GAN: variants seen among roughly 807,000 people sequenced by gnomAD.
GAN encodes gigaxonin.
Under a neutral mutation model 71.3 loss-of-function variants are expected in GAN, and 48 were observed. That is an observed-to-expected ratio of 0.67 (90% CI 0.53 to 0.86). The LOEUF is 0.86. Ranked by LOEUF, GAN falls within the 40% of genes least tolerant of loss-of-function variation. GAN has a pLI of 0.00. For missense variants in GAN, 928 were observed against 770.1 expected (o/e 1.21, Z -2.43); for synonymous variants, 386 against 276.8 (o/e 1.39, Z -3.92).
intron 9 of GAN, among the ~76,000 whole-genome samples, chr16:81,376,171 G>A (rs907964655): frequency 6.6e-6 from 1 of 151,684 alleles, no homozygotes; most frequent in African/African-American, 2.4e-5. Flanking sequence ...ACAAAGCTTT[G>A]GAAAGCAGTG....
At chr16:81,339,879 A>G (rs1394113709) in intron 1 of GAN, among the ~76,000 whole-genome samples, 8 of 152,146 alleles carry the variant, frequency 5.3e-5, no homozygotes, top group Non-Finnish European at 1.2e-4. Context: ...AGATGTAAGG[A>G]TGTGAATTTA....
chr16:81,360,065 G>A (rs12917688), intron 5 of GAN, among the ~76,000 whole-genome samples: 1 of 122,958 alleles, frequency 8.1e-6, no homozygotes, highest in Non-Finnish European at 1.8e-5. Context: ...ATGGATGGAT[G>A]GATAGATGGA....
intron 1 of GAN, among the ~76,000 whole-genome samples, chr16:81,331,019 C>G (rs1276421837): frequency 6.6e-6 from 1 of 152,068 alleles, no homozygotes; most frequent in African/African-American, 2.4e-5. Context: ...AACCTGGGTA[C>G]CATAGCAAGA....
intron 1 of GAN, among the ~76,000 whole-genome samples, chr16:81,350,151 T>C (rs903055685): frequency 4.6e-5 from 7 of 152,090 alleles, no homozygotes. Flanking sequence ...ATCACAAATA[T>C]GTAAAGAACT....
At chr16:81,369,498 G>T (rs1471907514) in intron 9 of GAN, among the ~76,000 whole-genome samples, 1 of 152,200 alleles carries the variant, frequency 6.6e-6, no homozygotes, top group African/African-American at 2.4e-5. Flanking sequence ...ATTTTAAAAT[G>T]TTTGTGTAGC....
chr16:81,335,489 G>A (rs1451987606), intron 1 of GAN, among the ~76,000 whole-genome samples: 1 of 152,076 alleles, frequency 6.6e-6, no homozygotes, highest in Admixed American at 6.5e-5. Flanking sequence ...GCTCATGCCT[G>A]TAATCCCAAC....
intron 1 of GAN, among the ~76,000 whole-genome samples, chr16:81,350,166 C>CA (rs1185357046): frequency 7.2e-5 from 11 of 152,030 alleles, no homozygotes; most frequent in African/African-American, 2.4e-4. Flanking sequence ...AGAACTCCTA[C>CA]ACCGCAATGT....
intron 9 of GAN, among the ~76,000 whole-genome samples, chr16:81,373,021 G>T (rs2150696281): frequency 6.6e-6 from 1 of 152,208 alleles, no homozygotes; most frequent in South Asian, 2.1e-4. Flanking sequence ...TTAGAAACAT[G>T]GTGCTTAGCT....
rs1356492584 is a variant in GAN, at chr16:81,357,268, C to T, written c.851+266C>T. Among the ~76,000 whole-genome samples, 6 of 152,138 alleles carry T rather than the reference C, an allele frequency of 3.9e-5. No homozygotes were observed. In the South Asian group the frequency reaches 6.2e-4, roughly 16 times the overall value. ...CTATCCCTCCCCTCTCCCTCCACCC[C>T]GCAACAGTCCCCAGAGTGTGATGTT... On this transcript the variant is annotated intron_variant, in intron 4 of 10. Coordinates refer to ENST00000648994, the MANE Select transcript of GAN (RefSeq NM_022041.4).
chr16:81,320,076 A>C (rs1002392994), intron 1 of GAN, among the ~76,000 whole-genome samples: 1 of 152,202 alleles, frequency 6.6e-6, no homozygotes, highest in Non-Finnish European at 1.5e-5. Context: ...TTGTATCACA[A>C]CAATCATTTA....
rs1904451052 is a variant in GAN, at chr16:81,387,909, C to G, written c.*10313C>G. Reference sequence around the variant, plus strand: ...AGAGATTTATAGGCTGGGATGCACACCATGTCTTCAGAGCTAGCCGGCTGT... The same window carrying G: ...AGAGATTTATAGGCTGGGATGCACAGCATGTCTTCAGAGCTAGCCGGCTGT... On this transcript the variant is annotated 3_prime_UTR_variant, in exon 11 of 11. Transcript: ENST00000648994. The G allele has an allele frequency of 6.6e-6, 1 of 152,176 alleles. No homozygotes were observed. The highest frequency in any genetic ancestry group is 2.1e-4 in the South Asian group (1 of 4,816). 9.4% of individuals were successfully genotyped at this position (152,176 alleles called of 1,614,324 possible).
At chr16:81,346,736 G>A (rs1425613175) in intron 1 of GAN, among the ~76,000 whole-genome samples, 2 of 152,174 alleles carry the variant, frequency 1.3e-5, no homozygotes, top group East Asian at 3.9e-4. Context: ...GTACTTGAAG[G>A]AGGCTCTGGG....
chr16:81,365,502 G>A (rs776957244), intron 9 of GAN, 24 bp downstream of exon 9: 2 of 1,609,002 alleles, frequency 1.2e-6, no homozygotes, highest in South Asian at 2.2e-5. Context: ...GTTTCACATA[G>A]CTACTGCAAC....
intron 1 of GAN, 110 bp downstream of exon 1, chr16:81,315,390 GGTCCCCGCGTCACCGTTGGCGCGGC>G: frequency 1.4e-6 from 1 of 724,870 alleles, no homozygotes. Context: ...CCGGCGCCGG[GGTCCCCGCGTCACCGTTGGCGCGGC>G]GTCCCTCCCG....
chr16:81,336,632 ATT>A lies in GAN; in HGVS notation c.168-14936_168-14935del, dbSNP rs201476144. Among the ~76,000 whole-genome samples the A allele has an allele frequency of 2.6e-3, 310 of 120,960 alleles. 2 individuals are homozygous for A. The highest frequency in any genetic ancestry group is 7.2e-3 in the African/African-American group (246 of 33,932). The allele number at this position is 120,960 out of a possible 152,430, so 79.4% of individuals were successfully genotyped here. A position where few individuals can be genotyped will look rare whatever the true frequency, so the allele number is the denominator to read the frequency against. ...GTGTGCACACCACCCCAGTTGGCTA[ATT>A]TTTTTTTTTTTTTTAATTTTCTTTG... On this transcript the variant is annotated intron_variant, in intron 1 of 10. Coordinates refer to ENST00000648994, the MANE Select transcript of GAN (RefSeq NM_022041.4).
intron 1 of GAN, among the ~76,000 whole-genome samples, chr16:81,345,417 T>TA (rs1910086406): frequency 6.6e-6 from 1 of 152,074 alleles, no homozygotes; most frequent in African/African-American, 2.4e-5. Flanking sequence ...TATGCAGCCA[T>TA]AAAAAAGGAT....
intron 9 of GAN, among the ~76,000 whole-genome samples, chr16:81,371,340 G>A (rs1160325096): frequency 2.0e-5 from 3 of 152,190 alleles, no homozygotes; most frequent in Non-Finnish European, 4.4e-5. Context: ...CTTGAGAAAT[G>A]GGTTCTAATT....
intron 1 of GAN, among the ~76,000 whole-genome samples, chr16:81,346,323 G>T (rs1399850819): frequency 6.6e-6 from 1 of 152,160 alleles, no homozygotes; most frequent in East Asian, 1.9e-4. Context: ...ACACACCCAT[G>T]GCTCACTGCA....
chr16:81,335,073 T>C (rs1003197657), intron 1 of GAN, among the ~76,000 whole-genome samples: 4 of 144,008 alleles, frequency 2.8e-5, no homozygotes, highest in African/African-American at 1.0e-4. Context: ...ACATGGTGGG[T>C]ACCTTGGCTG....
Sources: gnomAD v4.1 joint callset for allele counts (sites outside exome capture counted in the v4.1 genomes callset) on GRCh38, gnomAD v4.1.1 for gene constraint, MANE v1.5 for transcripts, NCBI Gene and HGNC (gene_info 2026-07-23, HGNC 2026-07-21) for gene names.